Variants in FAM13B observed in about 807,000 individuals in gnomAD.
FAM13B encodes the protein family with sequence similarity 13 member B, also known as protein FAM13B.
In FAM13B, 60 loss-of-function variants were observed where a neutral mutation model predicts 117.3. The observed-to-expected ratio is 0.51, with a 90% CI of 0.42 to 0.63. The LOEUF is 0.63. FAM13B is among the 30% of genes least tolerant of loss of function. FAM13B has a pLI of 0.00. For synonymous variants in FAM13B, 332 were observed against 356.1 expected (o/e 0.93, Z 0.76); for missense variants, 972 against 1,091.9 (o/e 0.89, Z 1.55).
At chr5:138,011,566 C>T (rs1016226325) in intron 5 of FAM13B, among the ~76,000 whole-genome samples, 2 of 151,986 alleles carry the variant, frequency 1.3e-5, no homozygotes, top group African/African-American at 2.4e-5. Context: ...ACTACAGGCA[C>T]CCGCCACCAT....
At chr5:138,032,420 G>A (rs1210360376) in intron 1 of FAM13B, among the ~76,000 whole-genome samples, 1 of 152,230 alleles carries the variant, frequency 6.6e-6, no homozygotes, top group Non-Finnish European at 1.5e-5. Context: ...AAGTGGGCGG[G>A]GAAGAGGCGC....
rs1776307713 is a variant in FAM13B at position 137,983,213 on chromosome 5, A to AAC, written c.1179+2043_1179+2044insGT. On this transcript the variant is annotated intron_variant, in intron 10 of 23. Transcript: ENST00000689681. Reference sequence around the variant, plus strand: ...AAAAAAAAAAAAAAAAAAAAAAAAAAAACCGAGTGAGATATCCTGAATGCC... The same window carrying AAC: ...AAAAAAAAAAAAAAAAAAAAAAAAAAACAACCGAGTGAGATATCCTGAATGCC... Among the ~76,000 whole-genome samples the AAC allele has an allele frequency of 2.2e-4, 21 of 93,696 alleles. 2 individuals are homozygous for AAC. The highest frequency in any genetic ancestry group is 3.9e-4 in the Non-Finnish European group (17 of 43,946). The allele number at this position is 93,696 out of a possible 152,430, so 61.5% of individuals were successfully genotyped here.
At chr5:137,947,934 A>T (rs1183655385) in intron 18 of FAM13B, among the ~76,000 whole-genome samples, 2 of 152,172 alleles carry the variant, frequency 1.3e-5, no homozygotes, top group Admixed American at 1.3e-4. Context: ...GGAAGAGATG[A>T]GAATGACTAA....
intron 1 of FAM13B, among the ~76,000 whole-genome samples, 191 bp from the exon 2 acceptor site, chr5:138,021,388 A>C (rs2150988320): frequency 6.6e-6 from 1 of 152,378 alleles, no homozygotes; most frequent in Middle Eastern, 3.4e-3. Flanking sequence ...AAATTGGAGA[A>C]GAATCTTCCT....
chr5:137,942,280 A>C (rs1013322018), intron 22 of FAM13B: 27 of 502,882 alleles, frequency 5.4e-5, no homozygotes, highest in Middle Eastern at 5.1e-4. Flanking sequence ...ATATCATCCA[A>C]AGGTAAAGAA....
At chr5:138,002,239 T>C (rs1032391527) in intron 7 of FAM13B, among the ~76,000 whole-genome samples, 55 of 152,144 alleles carry the variant, frequency 3.6e-4, no homozygotes. Context: ...ATAATATACT[T>C]CAATGGAAGT....
chr5:138,035,960 G>A (rs1468770755), upstream of FAM13B, among the ~76,000 whole-genome samples: 1 of 152,110 alleles, frequency 6.6e-6, no homozygotes, highest in Non-Finnish European at 1.5e-5. Flanking sequence ...TAAGCGTAAA[G>A]CTATTTTGGC....
At chr5:138,004,360 G>C (rs1782023803) in intron 7 of FAM13B, among the ~76,000 whole-genome samples, 1 of 151,630 alleles carries the variant, frequency 6.6e-6, no homozygotes, top group Non-Finnish European at 1.5e-5. Flanking sequence ...GATGATCGAA[G>C]AGAAGCTATT....
chr5:138,041,245 A>G (rs2151127272), intron 1 of FAM13B, among the ~76,000 whole-genome samples: 1 of 152,300 alleles, frequency 6.6e-6, no homozygotes, highest in Middle Eastern at 3.4e-3. Flanking sequence ...AGTAATGGTG[A>G]ACAAAGAAAA....
At chr5:137,946,785 G>C (rs938449522) in intron 18 of FAM13B, among the ~76,000 whole-genome samples, 2 of 152,048 alleles carry the variant, frequency 1.3e-5, no homozygotes, top group African/African-American at 2.4e-5. Context: ...AAGATGAGTG[G>C]GCATGCATGC....
rs148844724 is a variant in FAM13B at position 137,952,674 on chromosome 5, T to C, written c.1884A>G (p.Val628=). ...TTGTAAGCTCTGTCATCCATTTTAA[T>C]ACCTTTGGATTGGCAGCAATATCAC... The part of the protein sequence containing the change: ...SYSDIAANPK[V]LKWMTELTKL... The change falls in exon 17 of 24, where the codon GTA becomes GTG. Residue 628 remains valine (V), a synonymous_variant. Coordinates refer to ENST00000689681, the MANE Select transcript of FAM13B (RefSeq NM_001385994.1). 3.7e-5 allele frequency: 60 copies of C among 1,606,598 alleles called. No individual in the cohort carries two copies. Among genetic ancestry groups the C allele is most frequent in the Non-Finnish European group, 4.7e-5 (55 of 1,176,182 alleles).
chr5:137,986,076 C>CT (rs146328965), intron 9 of FAM13B, among the ~76,000 whole-genome samples: 28,730 of 148,476 alleles, frequency 0.19, 2,866 homozygotes, highest in African/African-American at 0.26. Flanking sequence ...TGTATACATG[C>CT]TTTTTTTTTT....
At chr5:137,957,133 A>G (rs1245962068) in intron 13 of FAM13B, among the ~76,000 whole-genome samples, 1 of 152,238 alleles carries the variant, frequency 6.6e-6, no homozygotes, top group African/African-American at 2.4e-5. Flanking sequence ...CTCTATTTGG[A>G]GTCATCCCAC....
intron 1 of FAM13B, among the ~76,000 whole-genome samples, chr5:138,038,136 C>A (rs780725388): frequency 3.3e-5 from 5 of 152,118 alleles, no homozygotes; most frequent in Non-Finnish European, 7.3e-5. Flanking sequence ...AGTGTGAACA[C>A]CTTTCTTGAC....
intron 10 of FAM13B, among the ~76,000 whole-genome samples, chr5:137,963,626 G>A (rs1254375184): frequency 6.6e-6 from 1 of 152,152 alleles, no homozygotes; most frequent in Non-Finnish European, 1.5e-5. Flanking sequence ...TAACTTTTAT[G>A]ATCAATAACA....
At chr5:138,036,804 C>A (rs75765683), upstream of FAM13B, 164 of 348,196 alleles carry the variant, frequency 4.7e-4, no homozygotes, top group Admixed American at 8.6e-4. Context: ...CAGTGGTTCT[C>A]AACTGCGACA....
At chr5:138,028,551 A>G (rs1789047275) in intron 1 of FAM13B, among the ~76,000 whole-genome samples, 2 of 152,148 alleles carry the variant, frequency 1.3e-5, no homozygotes, top group South Asian at 2.1e-4. Context: ...CTTTTTTTGT[A>G]TATCTTCCCC....
At chr5:137,984,156 G>A (rs1249405431) in intron 10 of FAM13B, among the ~76,000 whole-genome samples, 1 of 152,116 alleles carries the variant, frequency 6.6e-6, no homozygotes, top group Non-Finnish European at 1.5e-5. Flanking sequence ...CAACAGTGGA[G>A]GTTCAGAACA....
intron 20 of FAM13B, among the ~76,000 whole-genome samples, chr5:137,943,522 G>A (rs955804783): frequency 1.3e-5 from 2 of 152,170 alleles, no homozygotes; most frequent in East Asian, 1.9e-4. Context: ...CAAGGCAGGC[G>A]GATCACAGGT....
Sources: allele counts gnomAD v4.1 joint callset (sites outside exome capture counted in the v4.1 genomes callset), GRCh38; gene constraint gnomAD v4.1.1; transcripts MANE v1.5; gene names NCBI Gene and HGNC (gene_info 2026-07-23, HGNC 2026-07-21).